The following TMBIM6 variants were observed in gnomAD, a reference collection of about 807,000 sequenced individuals.
The protein encoded by TMBIM6 is bax inhibitor 1.
In TMBIM6, 13 loss-of-function variants were observed where a neutral mutation model predicts 31.4. The ratio of observed to expected loss-of-function variants is 0.41; its 90% CI spans 0.27 to 0.66. The LOEUF (loss-of-function observed/expected upper bound fraction) is 0.66, where lower values mean the gene tolerates loss of function less well. Among genes scored for constraint, TMBIM6 ranks in the 30% least tolerant of loss-of-function variants. The pLI is 0.28. For missense variants in TMBIM6, 275 were observed against 289.5 expected (o/e 0.95, Z 0.36); for synonymous variants, 85 against 101.7 (o/e 0.84, Z 0.99).
Position 49,763,057 on chromosome 12 carries a change from G to A in TMBIM6, c.*161G>A. On this transcript the variant is annotated 3_prime_UTR_variant, in exon 10 of 10. Transcript: ENST00000267115. Reference sequence around the variant, plus strand: ...TTTTGAATTTTTTGATCAAAAAACTGATTAGCAGAATATAGTTTGGAGTTT... The same window carrying A: ...TTTTGAATTTTTTGATCAAAAAACTAATTAGCAGAATATAGTTTGGAGTTT... The A allele has an allele frequency of 1.3e-6, 1 of 771,218 alleles. No homozygotes were observed. Among genetic ancestry groups the A allele is most frequent in the Non-Finnish European group, 2.1e-6 (1 of 484,800 alleles). The allele number at this position is 771,218 out of a possible 1,614,324, so 47.8% of individuals were successfully genotyped here. A position where few individuals can be genotyped will look rare whatever the true frequency, so the allele number is the denominator to read the frequency against.
intron 1 of TMBIM6, among the ~76,000 whole-genome samples, chr12:49,745,391 T>G (rs1375089582): frequency 6.6e-6 from 1 of 152,152 alleles, no homozygotes; most frequent in Non-Finnish European, 1.5e-5. Flanking sequence ...TAATGATTTT[T>G]TACTTTATAA....
chr12:49,760,473 CCT>C (rs1945695200), intron 8 of TMBIM6, among the ~76,000 whole-genome samples: 1 of 151,670 alleles, frequency 6.6e-6, no homozygotes. Context: ...CTCAAGCAGT[CCT>C]CTTGCCTTGG....
intron 1 of TMBIM6, chr12:49,742,295 C>G (rs1484951562): frequency 2.5e-6 from 4 of 1,568,712 alleles, no homozygotes. Context: ...GGTGGCTTTG[C>G]TTTGCTTGGT....
chr12:49,751,335 G>A (rs1945490398), intron 1 of TMBIM6, among the ~76,000 whole-genome samples: 2 of 152,092 alleles, frequency 1.3e-5, no homozygotes, highest in African/African-American at 4.8e-5. Context: ...GTGTTTAGGA[G>A]CACTGTGTCT....
intron 8 of TMBIM6, among the ~76,000 whole-genome samples, chr12:49,759,676 A>C (rs1185542489): frequency 6.6e-6 from 1 of 151,974 alleles, no homozygotes; most frequent in Non-Finnish European, 1.5e-5. Context: ...GCATGGTGGC[A>C]CATGTATATA....
intron 1 of TMBIM6, among the ~76,000 whole-genome samples, chr12:49,743,996 T>G (rs1253878338): frequency 1.3e-5 from 2 of 152,202 alleles, no homozygotes; most frequent in Non-Finnish European, 2.9e-5. Flanking sequence ...TAACCTTAGG[T>G]AAAATGATTT....
At chr12:49,758,517 T>C (rs183136654) in intron 6 of TMBIM6, 37 bp downstream of exon 6, 1 of 1,601,672 alleles carries the variant, frequency 6.2e-7, no homozygotes, top group African/African-American at 1.3e-5. Flanking sequence ...TGGGGGCTCC[T>C]TTTTAGCCAG....
chr12:49,753,158 G>T, intron 3 of TMBIM6, 77 bp downstream of exon 3: 9 of 1,105,672 alleles, frequency 8.1e-6, no homozygotes, highest in Non-Finnish European at 1.2e-5. Context: ...GGTGGTCCAA[G>T]GGACCCTGTT....
intron 9 of TMBIM6, 188 bp downstream of exon 9, chr12:49,761,967 A>AT (rs1321973070): frequency 2.8e-5 from 16 of 577,142 alleles, no homozygotes; most frequent in Middle Eastern, 2.8e-4. Context: ...TGAAAAAAAA[A>AT]TTTTTTTAAC....
chr12:49,759,783 G>GC (rs1565573040), intron 8 of TMBIM6, among the ~76,000 whole-genome samples: 2 of 143,246 alleles, frequency 1.4e-5, no homozygotes, highest in East Asian at 2.1e-4. Context: ...CTCCAGCCTG[G>GC]CAACAGAGCG....
At chr12:49,743,572 T>C (rs771220486) in intron 1 of TMBIM6, 9 of 152,116 alleles carry the variant, frequency 5.9e-5, no homozygotes, top group Non-Finnish European at 1.3e-4. Context: ...AAAGGTAAAA[T>C]TAATCTAGAT....
intron 2 of TMBIM6, 157 bp from the exon 3 acceptor site, chr12:49,752,816 T>A: frequency 1.3e-6 from 1 of 790,106 alleles, no homozygotes; most frequent in Non-Finnish European, 1.9e-6. Flanking sequence ...TTCAAAATAT[T>A]ATTTTTTATT....
chr12:49,758,406 G>A lies in TMBIM6; in HGVS notation c.359G>A (p.Gly120Asp), dbSNP rs1188316805. 6.2e-7 allele frequency: 1 copy of A among 1,614,002 alleles called. No homozygotes were observed. Among genetic ancestry groups the A allele is most frequent in the Non-Finnish European group, 8.5e-7 (1 of 1,180,036 alleles). ...AGCATCCTTCCCACTGCTTTCATGG[G>A]CACGGCAATGATCTTTACCTGCTTC... ...NPSILPTAFM[G>D]TAMIFTCFTL... is the part of the protein sequence containing the mutation. The change falls in exon 6 of 10, where the codon GGC (glycine) becomes GAC (aspartate). Residue 120 changes from glycine to aspartate, a missense_variant. Transcript: ENST00000267115.
intron 1 of TMBIM6, among the ~76,000 whole-genome samples, chr12:49,747,018 A>C (rs999898706): frequency 6.6e-6 from 1 of 151,666 alleles, no homozygotes; most frequent in African/African-American, 2.4e-5. Context: ...GTATTTTTTT[A>C]CTAGAGACTG....
At chr12:49,752,931 T>C (rs753944529) in intron 2 of TMBIM6, 42 bp from the exon 3 acceptor site, 9 of 1,541,210 alleles carry the variant, frequency 5.8e-6, no homozygotes, top group Non-Finnish European at 7.1e-6. Context: ...AAATATGAGA[T>C]TGATCTGGGA....
At chr12:49,751,758 A>AT (rs58141027) in intron 1 of TMBIM6, among the ~76,000 whole-genome samples, 4,920 of 108,410 alleles carry the variant, frequency 0.045, 275 homozygotes, top group African/African-American at 0.11. Context: ...TAGTGAGATA[A>AT]TTTTTTTTTT....
chr12:49,759,394 C>A, intron 8 of TMBIM6, 73 bp downstream of exon 8: 2 of 1,347,032 alleles, frequency 1.5e-6, no homozygotes, highest in Non-Finnish European at 2.1e-6. Flanking sequence ...CTTAGGTTGG[C>A]ATTGGCTGAA....
At chr12:49,762,311 C>T (rs1331034109) in intron 9 of TMBIM6, among the ~76,000 whole-genome samples, 1 of 152,146 alleles carries the variant, frequency 6.6e-6, no homozygotes, top group African/African-American at 2.4e-5. Flanking sequence ...TCTGTCTGGG[C>T]TATGCCATGG....
At chr12:49,751,870 C>T (rs755188242) in intron 1 of TMBIM6, among the ~76,000 whole-genome samples, 1 of 144,446 alleles carries the variant, frequency 6.9e-6, no homozygotes, top group Non-Finnish European at 1.5e-5. Context: ...TCAAGCAATT[C>T]TTCTGTCTTA....
Sources: gnomAD v4.1 joint callset for allele counts (sites outside exome capture counted in the v4.1 genomes callset) on GRCh38, gnomAD v4.1.1 for gene constraint, MANE v1.5 for transcripts, NCBI Gene and HGNC (gene_info 2026-07-23, HGNC 2026-07-21) for gene names.